GSG1L: variants seen among roughly 807,000 people sequenced by gnomAD.
The protein encoded by GSG1L is GSG1 like.
In GSG1L, 24 loss-of-function variants were observed where a neutral mutation model predicts 42.1. The observed-to-expected ratio is 0.57, with a 90% CI of 0.41 to 0.80. GSG1L has a LOEUF of 0.80. GSG1L is among the 30% of genes least tolerant of loss of function. The pLI is 0.00. For synonymous variants in GSG1L, 215 were observed against 203.5 expected (o/e 1.06, Z -0.48); for missense variants, 445 against 472.2 (o/e 0.94, Z 0.53).
intron 1 of GSG1L, among the ~76,000 whole-genome samples, chr16:27,974,460 A>G (rs969216492): frequency 6.6e-6 from 1 of 152,216 alleles, no homozygotes; most frequent in Admixed American, 6.5e-5. Context: ...CTGAAAGGAA[A>G]TCTCAAAAAC....
intron 3 of GSG1L, among the ~76,000 whole-genome samples, chr16:27,857,569 C>A (rs2083595404): frequency 6.6e-6 from 1 of 152,078 alleles, no homozygotes; most frequent in South Asian, 2.1e-4. Context: ...TAGGGAAACC[C>A]CATCTCTACA....
intron 3 of GSG1L, among the ~76,000 whole-genome samples, chr16:27,874,441 C>CTTTTT (rs71140916): frequency 0.028 from 2,608 of 93,860 alleles, 478 homozygotes; most frequent in East Asian, 0.043. Flanking sequence ...ACAGGAGAGC[C>CTTTTT]TTTTTTTTTT....
chr16:28,027,653 A>T (rs1002872152), intron 1 of GSG1L, among the ~76,000 whole-genome samples: 4 of 152,194 alleles, frequency 2.6e-5, no homozygotes, highest in Non-Finnish European at 4.4e-5. Context: ...AACTGACACC[A>T]CCTAGACTTT....
chr16:27,861,811 A>G (rs1244619387), intron 3 of GSG1L, among the ~76,000 whole-genome samples: 1 of 152,076 alleles, frequency 6.6e-6, no homozygotes, highest in Non-Finnish European at 1.5e-5. Context: ...ATTTGTTACT[A>G]TCTCAGGGCT....
intron 5 of GSG1L, among the ~76,000 whole-genome samples, chr16:27,812,190 G>A (rs1012737877): frequency 2.0e-5 from 3 of 152,180 alleles, no homozygotes; most frequent in African/African-American, 7.2e-5. Context: ...CGAGGAGAGA[G>A]CCAGGCCTTG....
chr16:27,897,803 G>A (rs2084209042), intron 2 of GSG1L, among the ~76,000 whole-genome samples: 1 of 152,090 alleles, frequency 6.6e-6, no homozygotes, highest in Non-Finnish European at 1.5e-5. Flanking sequence ...TAACCTCTCT[G>A]AGCCTCAGTT....
chr16:28,039,673 G>A (rs979365449), intron 1 of GSG1L, among the ~76,000 whole-genome samples: 3 of 149,416 alleles, frequency 2.0e-5, no homozygotes, highest in Non-Finnish European at 3.0e-5. Flanking sequence ...ATGCACACAC[G>A]TATGCACACA....
At chr16:27,923,791 A>G (rs34984353) in intron 2 of GSG1L, among the ~76,000 whole-genome samples, 1 of 151,976 alleles carries the variant, frequency 6.6e-6, no homozygotes, top group East Asian at 1.9e-4. Context: ...AGAAAGAAAG[A>G]CAGAGAGAGA....
chr16:27,862,885 A>C (rs2083670800), intron 3 of GSG1L, among the ~76,000 whole-genome samples: 1 of 152,118 alleles, frequency 6.6e-6, no homozygotes, highest in South Asian at 2.1e-4. Flanking sequence ...TATTTTGTTT[A>C]TGTTCTATAT....
At chr16:27,863,475 G>A (rs1366242830) in intron 3 of GSG1L, 1 of 151,970 alleles carries the variant, frequency 6.6e-6, no homozygotes, top group Non-Finnish European at 1.5e-5. Flanking sequence ...GTCTTTTAAA[G>A]TGTGCCTCTT....
intron 2 of GSG1L, among the ~76,000 whole-genome samples, chr16:27,905,687 T>C (rs771358748): frequency 6.6e-6 from 1 of 152,058 alleles, no homozygotes; most frequent in Non-Finnish European, 1.5e-5. Context: ...ACATGAAGGG[T>C]CTATCCTAGC....
At chr16:27,803,761 G>A (rs1406276199) in intron 6 of GSG1L, among the ~76,000 whole-genome samples, 1 of 98,504 alleles carries the variant, frequency 1.0e-5, no homozygotes, top group Non-Finnish European at 1.9e-5. Context: ...TTCCCACAGT[G>A]CAGACATATA....
At chr16:27,918,461 T>C (rs1464548688) in intron 2 of GSG1L, among the ~76,000 whole-genome samples, 1 of 152,022 alleles carries the variant, frequency 6.6e-6, no homozygotes, top group Non-Finnish European at 1.5e-5. Context: ...AGCTCAAGAC[T>C]AGCCTGGCCA....
chr16:27,861,944 G>A (rs2083657934), intron 3 of GSG1L, among the ~76,000 whole-genome samples: 1 of 152,172 alleles, frequency 6.6e-6, no homozygotes, highest in South Asian at 2.1e-4. Context: ...GCCAAGAGAA[G>A]CCAATGGCCT....
chr16:27,913,408 T>C (rs1360791732), intron 2 of GSG1L, among the ~76,000 whole-genome samples: 1 of 152,188 alleles, frequency 6.6e-6, no homozygotes. Flanking sequence ...TTTGCTTAAA[T>C]TGGTGATTCG....
At chr16:27,930,596 A>AT (rs796208223) in intron 2 of GSG1L, among the ~76,000 whole-genome samples, 14 of 152,364 alleles carry the variant, frequency 9.2e-5, no homozygotes, top group African/African-American at 3.4e-4. Flanking sequence ...AATGGATTCA[A>AT]TGCTCAGAAG....
intron 2 of GSG1L, among the ~76,000 whole-genome samples, chr16:27,902,112 G>T (rs995792824): frequency 1.3e-5 from 2 of 152,206 alleles, no homozygotes; most frequent in Non-Finnish European, 2.9e-5. Context: ...ACTGAGGTCT[G>T]GTCTGGCAGG....
At chr16:27,999,736 A>C (rs1318130274) in intron 1 of GSG1L, among the ~76,000 whole-genome samples, 1 of 152,166 alleles carries the variant, frequency 6.6e-6, no homozygotes, top group Non-Finnish European at 1.5e-5. Flanking sequence ...TCAAAATCTT[A>C]AAGGTTCTTT....
intron 2 of GSG1L, among the ~76,000 whole-genome samples, chr16:27,901,541 G>A (rs1193093503): frequency 6.6e-6 from 1 of 152,230 alleles, no homozygotes; most frequent in East Asian, 1.9e-4. Context: ...CTACAGGAGC[G>A]GTTCTCAAGT....
Sources: allele counts gnomAD v4.1 joint callset (sites outside exome capture counted in the v4.1 genomes callset), GRCh38; gene constraint gnomAD v4.1.1; transcripts MANE v1.5; gene names NCBI Gene and HGNC (gene_info 2026-07-23, HGNC 2026-07-21).